GLIS3: variants seen among roughly 807,000 people sequenced by gnomAD.
GLIS3 encodes GLIS family zinc finger 3.
A neutral mutation model predicts 78.6 loss-of-function variants in GLIS3; 53 were observed. The observed-to-expected ratio is 0.67, with a 90% confidence interval of 0.54 to 0.85. GLIS3 has a LOEUF of 0.85. Ranked by LOEUF, GLIS3 falls within the 40% of genes least tolerant of loss-of-function variation. The pLI is 0.00. For missense variants in GLIS3, 1,703 were observed against 1,231.1 expected, an observed-to-expected ratio of 1.38 and a Z score of -5.74; for synonymous variants, 684 against 509.9, an observed-to-expected ratio of 1.34 and a Z score of -4.60.
chr9:4,010,543 A>C (rs1207501003), intron 4 of GLIS3, among the ~76,000 whole-genome samples: 1 of 152,092 alleles, frequency 6.6e-6, no homozygotes, highest in Non-Finnish European at 1.5e-5. Context: ...AAGAAGCCAC[A>C]ATTCCTCTCT....
At chr9:4,426,495 C>T in the GLIS3 span, among the ~76,000 whole-genome samples, 2 of 152,252 alleles carry the variant, frequency 1.3e-5, no homozygotes, top group South Asian at 2.1e-4. Context: ...TAGGACACCT[C>T]TTTGCCCATC....
chr9:4,354,845 G>A, the GLIS3 span, among the ~76,000 whole-genome samples: 1 of 152,128 alleles, frequency 6.6e-6, no homozygotes, highest in African/African-American at 2.4e-5. Context: ...AGCCGGACAT[G>A]GTGGCTCATG....
At chr9:4,139,440 A>G (rs1833641338) in intron 2 of GLIS3, among the ~76,000 whole-genome samples, 1 of 152,258 alleles carries the variant, frequency 6.6e-6, no homozygotes, top group Non-Finnish European at 1.5e-5. Context: ...TCATGATGCT[A>G]AAGAAGACTG....
intron 7 of GLIS3, among the ~76,000 whole-genome samples, chr9:3,891,283 C>T (rs915877716): frequency 8.5e-5 from 13 of 152,100 alleles, no homozygotes; most frequent in South Asian, 2.1e-4. Flanking sequence ...AGCAGTTGAT[C>T]GCACTAAGAG....
intron 6 of GLIS3, among the ~76,000 whole-genome samples, chr9:3,923,222 C>G (rs188190416): frequency 6.6e-6 from 1 of 152,324 alleles, no homozygotes; most frequent in Non-Finnish European, 1.5e-5. Flanking sequence ...AATTATCTCT[C>G]TAAATCACAG....
the GLIS3 span, among the ~76,000 whole-genome samples, chr9:4,357,591 A>ATGTGTGTGTG: frequency 4.4e-4 from 56 of 127,892 alleles, 1 homozygote; most frequent in African/African-American, 1.6e-3. Flanking sequence ...GTGTGTGTGC[A>ATGTGTGTGTG]TGTGTATGTG....
At chr9:4,274,926 G>A (rs996351062) in intron 2 of GLIS3, among the ~76,000 whole-genome samples, 1 of 152,158 alleles carries the variant, frequency 6.6e-6, no homozygotes, top group Non-Finnish European at 1.5e-5. Context: ...ACCACAAGTT[G>A]CATTTTGTAA....
intron 2 of GLIS3, among the ~76,000 whole-genome samples, chr9:4,274,816 T>A (rs975250788): frequency 2.6e-5 from 4 of 152,194 alleles, no homozygotes; most frequent in African/African-American, 9.7e-5. Context: ...ATGCACATTC[T>A]GATTCAAGAG....
intron 4 of GLIS3, among the ~76,000 whole-genome samples, chr9:4,011,178 G>A (rs992495677): frequency 2.6e-5 from 4 of 152,138 alleles, no homozygotes; most frequent in African/African-American, 9.7e-5. Context: ...TGCATAGGAA[G>A]CGCTACAGCA....
the GLIS3 span, among the ~76,000 whole-genome samples, chr9:4,472,134 T>C: frequency 2.6e-5 from 4 of 152,074 alleles, no homozygotes; most frequent in South Asian, 4.2e-4. Context: ...TGTGGAGAAA[T>C]AGGAATGCTT....
the GLIS3 span, among the ~76,000 whole-genome samples, chr9:4,459,233 G>A: frequency 6.6e-6 from 1 of 152,310 alleles, no homozygotes; most frequent in African/African-American, 2.4e-5. Context: ...CTGAATATAT[G>A]TGAAGGTTGT....
chr9:4,053,857 T>C (rs1588551303), intron 4 of GLIS3, among the ~76,000 whole-genome samples: 1 of 152,226 alleles, frequency 6.6e-6, no homozygotes, highest in Non-Finnish European at 1.5e-5. Context: ...TCTGCCTTTC[T>C]TTATGTTGCA....
intron 4 of GLIS3, among the ~76,000 whole-genome samples, chr9:3,959,170 A>G (rs935740808): frequency 4.6e-5 from 7 of 152,202 alleles, no homozygotes; most frequent in Non-Finnish European, 2.9e-5. Context: ...GCAAGGATTA[A>G]TGGGCAGAGC....
chr9:4,078,606 T>C (rs935654931), intron 4 of GLIS3, among the ~76,000 whole-genome samples: 3 of 152,224 alleles, frequency 2.0e-5, no homozygotes, highest in East Asian at 3.8e-4. Flanking sequence ...AAGAGATCTT[T>C]GCCAGCCAGG....
intron 2 of GLIS3, among the ~76,000 whole-genome samples, chr9:4,148,709 ACTT>A (rs1165407060): frequency 6.6e-6 from 1 of 152,094 alleles, no homozygotes; most frequent in East Asian, 1.9e-4. Flanking sequence ...TTAGTAAAGA[ACTT>A]CTTTGCACAG....
intron 4 of GLIS3, among the ~76,000 whole-genome samples, chr9:3,992,379 G>C (rs1376210778): frequency 1.3e-5 from 2 of 152,264 alleles, no homozygotes; most frequent in Middle Eastern, 3.4e-3. Context: ...GCTTCTCTTG[G>C]GAATGAGGGC....
intron 8 of GLIS3, among the ~76,000 whole-genome samples, chr9:3,861,398 C>G (rs997258382): frequency 4.6e-5 from 7 of 152,114 alleles, no homozygotes; most frequent in African/African-American, 1.7e-4. Context: ...ACCCAGAAAT[C>G]CCATTATGTA....
At chr9:4,125,028 G>A (rs1417278298) in intron 3 of GLIS3, among the ~76,000 whole-genome samples, 2 of 152,202 alleles carry the variant, frequency 1.3e-5, no homozygotes, top group East Asian at 1.9e-4. Context: ...AGCTTTGTCT[G>A]AGGGGGTGAT....
the GLIS3 span, among the ~76,000 whole-genome samples, chr9:4,446,916 C>A: frequency 2.0e-5 from 3 of 152,092 alleles, no homozygotes; most frequent in Non-Finnish European, 4.4e-5. Context: ...TCCAGCTGCA[C>A]TGAATGGCTT....
Sources: allele counts gnomAD v4.1 joint callset (sites outside exome capture counted in the v4.1 genomes callset), GRCh38; gene constraint gnomAD v4.1.1; transcripts MANE v1.5; gene names NCBI Gene and HGNC (gene_info 2026-07-23, HGNC 2026-07-21).